PTPRM: variants seen among roughly 807,000 people sequenced by gnomAD.
PTPRM encodes receptor-type tyrosine-protein phosphatase mu.
In PTPRM, 47 loss-of-function variants were observed where a neutral mutation model predicts 186.7. That is an observed-to-expected ratio of 0.25 (90% CI 0.20 to 0.32). The LOEUF is 0.32. Among genes scored for constraint, PTPRM ranks in the 10% least tolerant of loss-of-function variants. PTPRM has a pLI of 1.00. For synonymous variants in PTPRM, 668 were observed against 674.9 expected, an observed-to-expected ratio of 0.99 and a Z score of 0.16; for missense variants, 1,494 against 1,865.0, an observed-to-expected ratio of 0.80 and a Z score of 3.66.
intron 14 of PTPRM, among the ~76,000 whole-genome samples, chr18:8,152,448 G>A (rs939887827): frequency 1.3e-5 from 2 of 152,090 alleles, no homozygotes; most frequent in Non-Finnish European, 2.9e-5. Flanking sequence ...AGGACAAACC[G>A]TTGCTCTGTC....
At chr18:8,028,902 G>A (rs11081355) in intron 7 of PTPRM, among the ~76,000 whole-genome samples, 87,296 of 152,048 alleles carry the variant, frequency 0.57, 25,426 homozygotes, top group Non-Finnish European at 0.64. Context: ...TCAAATGCTG[G>A]CAAAGTCAAT....
chr18:8,147,972 C>G (rs557540680), intron 14 of PTPRM, among the ~76,000 whole-genome samples: 1 of 152,276 alleles, frequency 6.6e-6, no homozygotes, highest in South Asian at 2.1e-4. Context: ...GTTGAACCAG[C>G]CTTGCATCCC....
intron 7 of PTPRM, among the ~76,000 whole-genome samples, chr18:8,042,398 A>C (rs1310407207): frequency 6.6e-6 from 1 of 152,208 alleles, no homozygotes; most frequent in Non-Finnish European, 1.5e-5. Context: ...CAAAGAATGA[A>C]TGGTTTAAAA....
chr18:8,336,676 G>A (rs967338649), intron 22 of PTPRM, among the ~76,000 whole-genome samples: 1 of 100,756 alleles, frequency 9.9e-6, no homozygotes, highest in African/African-American at 4.0e-5. Context: ...GAGGAGGAGA[G>A]AAGGAGGAAG....
At position 7,962,480 on chromosome 18, in the gene PTPRM, A is replaced by G. The variant is rs1486241226; in HGVS notation, c.1132+7066A>G. ...CTGTCTGTCATACCCGGTCCAGTCTAAATGTCACTAGATTTAGGTTCATAT... is the reference window on the plus strand; with the variant it reads ...CTGTCTGTCATACCCGGTCCAGTCTGAATGTCACTAGATTTAGGTTCATAT... On this transcript the variant is annotated intron_variant, in intron 7 of 32. Coordinates refer to ENST00000580170, the MANE Select transcript of PTPRM (RefSeq NM_001105244.2). 5.9e-5 allele frequency among the ~76,000 whole-genome samples: 9 copies of G among 152,288 alleles called. No homozygotes were observed. The South Asian group carries it at 1.9e-3, about 32-fold the overall frequency.
At chr18:7,632,933 C>T (rs1430776675) in intron 1 of PTPRM, among the ~76,000 whole-genome samples, 1 of 152,176 alleles carries the variant, frequency 6.6e-6, no homozygotes, top group Non-Finnish European at 1.5e-5. Context: ...CATCAGATTT[C>T]TGATGCTGCA....
intron 14 of PTPRM, among the ~76,000 whole-genome samples, chr18:8,147,117 G>T (rs2092904950): frequency 6.6e-6 from 1 of 152,110 alleles, no homozygotes; most frequent in African/African-American, 2.4e-5. Context: ...TACTTAGATT[G>T]TCTTGGCTAT....
At chr18:7,720,494 C>T (rs960095967) in intron 1 of PTPRM, among the ~76,000 whole-genome samples, 3 of 152,050 alleles carry the variant, frequency 2.0e-5, no homozygotes, top group Admixed American at 6.6e-5. Flanking sequence ...TGGTAAAATC[C>T]ATACTACATA....
At chr18:8,114,271 C>A (rs1411004245) in intron 12 of PTPRM, among the ~76,000 whole-genome samples, 1 of 151,892 alleles carries the variant, frequency 6.6e-6, no homozygotes, top group East Asian at 1.9e-4. Context: ...TAAAAAGTGT[C>A]ATTTCTGAAT....
chr18:7,958,715 TA>T (rs1220459681), intron 7 of PTPRM, among the ~76,000 whole-genome samples: 12 of 152,218 alleles, frequency 7.9e-5, no homozygotes, highest in Non-Finnish European at 4.4e-5. Context: ...CATCCTTGTC[TA>T]AATACTCCAT....
chr18:8,359,120 G>A (rs577981009), intron 23 of PTPRM, among the ~76,000 whole-genome samples: 9 of 152,154 alleles, frequency 5.9e-5, no homozygotes, highest in South Asian at 2.1e-4. Context: ...AGCAAAAGTC[G>A]TTTTCACTCA....
chr18:8,207,856 G>C lies in PTPRM; in HGVS notation c.2301-36202G>C, dbSNP rs190964163. Reference sequence around the variant, plus strand: ...TCAGTAAATGCCAGTGTTATCCCTGGACCAGCAATGAGGTTGCTGAATAAA... The same window carrying C: ...TCAGTAAATGCCAGTGTTATCCCTGCACCAGCAATGAGGTTGCTGAATAAA... On this transcript the variant is annotated intron_variant, in intron 14 of 32. Transcript: ENST00000580170. 9.0e-3 allele frequency among the ~76,000 whole-genome samples: 1,369 copies of C among 152,306 alleles called. 15 individuals are homozygous for C. Among genetic ancestry groups the C allele is most frequent in the Middle Eastern group, 0.017 (5 of 294 alleles).
At position 7,906,490 on chromosome 18, in the gene PTPRM, T is replaced by C; in HGVS notation, c.469-15T>C. 5 of 1,586,824 alleles carry C rather than the reference T, an allele frequency of 3.2e-6. No homozygotes were observed. Among genetic ancestry groups the C allele is most frequent in the Non-Finnish European group, 4.3e-6 (5 of 1,155,208 alleles). On this transcript the variant is annotated splice_polypyrimidine_tract_variant and intron_variant, in intron 3 of 32. Coordinates refer to ENST00000580170, the MANE Select transcript of PTPRM (RefSeq NM_001105244.2). ...CAAAATGAATAAATAATGTAAATCT[T>C]TCTTAATTTTCCAGGTGATTTTTGA...
intron 1 of PTPRM, among the ~76,000 whole-genome samples, chr18:7,654,096 G>C (rs1014286489): frequency 6.6e-6 from 1 of 151,942 alleles, no homozygotes; most frequent in Non-Finnish European, 1.5e-5. Flanking sequence ...TCATATGCTT[G>C]TTGGCCATAT....
intron 11 of PTPRM, among the ~76,000 whole-genome samples, chr18:8,111,271 C>T (rs1306678724): frequency 6.6e-6 from 1 of 152,088 alleles, no homozygotes; most frequent in Non-Finnish European, 1.5e-5. Context: ...AAAATCATGT[C>T]ATACAGGAAA....
At chr18:7,800,446 G>C (rs143409927) in intron 2 of PTPRM, among the ~76,000 whole-genome samples, 1 of 152,326 alleles carries the variant, frequency 6.6e-6, no homozygotes, top group East Asian at 1.9e-4. Context: ...GGCAAGGTCA[G>C]ATGCATCAGA....
At chr18:8,002,984 T>TAAAA (rs1233781986) in intron 7 of PTPRM, among the ~76,000 whole-genome samples, 1 of 152,180 alleles carries the variant, frequency 6.6e-6, no homozygotes, top group East Asian at 1.9e-4. Flanking sequence ...AAAAATTCTC[T>TAAAA]ATTAGGACCA....
At chr18:7,722,739 A>G (rs931635814) in intron 1 of PTPRM, among the ~76,000 whole-genome samples, 2 of 152,216 alleles carry the variant, frequency 1.3e-5, no homozygotes, top group African/African-American at 2.4e-5. Context: ...CACATCATAT[A>G]TAAAGGGATA....
intron 7 of PTPRM, among the ~76,000 whole-genome samples, chr18:8,004,912 A>G (rs993111948): frequency 1.3e-5 from 2 of 152,112 alleles, no homozygotes; most frequent in African/African-American, 2.4e-5. Context: ...CTTTTCCCTC[A>G]AATGGTTCCC....
Sources: allele counts gnomAD v4.1 joint callset (sites outside exome capture counted in the v4.1 genomes callset), GRCh38; gene constraint gnomAD v4.1.1; transcripts MANE v1.5; gene names NCBI Gene and HGNC (gene_info 2026-07-23, HGNC 2026-07-21).